The following NSFL1C variants were observed in gnomAD, a reference collection of about 807,000 sequenced individuals.
NSFL1C encodes NSFL1 cofactor p47.
NSFL1C carries 14 observed loss-of-function variants against 43.1 expected under a neutral mutation model. That is an observed-to-expected ratio of 0.32 (90% confidence interval 0.21 to 0.51). The LOEUF is 0.51. Ranked by LOEUF, NSFL1C falls within the 20% of genes least tolerant of loss-of-function variation. The pLI is 0.98. For synonymous variants in NSFL1C, 171 were observed against 183.5 expected (o/e 0.93, Z 0.55); for missense variants, 406 against 472.5 (o/e 0.86, Z 1.30).
chr20:1,466,085 G>A (rs1199529069), intron 1 of NSFL1C, among the ~76,000 whole-genome samples: 1 of 152,184 alleles, frequency 6.6e-6, no homozygotes, highest in African/African-American at 2.4e-5. Context: ...CAGGCACTGG[G>A]AATTCATCAG....
chr20:1,464,318 C>G lies in NSFL1C; in HGVS notation c.203+11G>C. 1 of 1,611,872 alleles carries G rather than the reference C, an allele frequency of 6.2e-7. No homozygotes were observed. Among genetic ancestry groups the G allele is most frequent in the East Asian group, 2.2e-5 (1 of 44,872 alleles). ...AACACTCATGTAGCGATAATTGAAG[C>G]TGGCCCTTACCTGGGGGCTGTGCCT... On this transcript the variant is annotated intron_variant, in intron 2 of 8. Transcript: ENST00000216879.
chr20:1,458,314 TTAAGAAAGGTAACCC>T, intron 2 of NSFL1C, 40 bp from the exon 3 acceptor site: 1 of 1,553,282 alleles, frequency 6.4e-7, no homozygotes, highest in Non-Finnish European at 8.9e-7. Flanking sequence ...TCAGGGAGCA[TTAAGAAAGGTAACCC>T]TCATCACCAG....
chr20:1,466,657 G>A (rs906045718), intron 1 of NSFL1C, 63 bp downstream of exon 1: 138 of 1,456,788 alleles, frequency 9.5e-5, no homozygotes, highest in Non-Finnish European at 1.2e-4. Flanking sequence ...CGGGCTTAAG[G>A]CACCAGGCGC....
intron 7 of NSFL1C, among the ~76,000 whole-genome samples, chr20:1,451,785 G>C (rs1205529812): frequency 6.6e-6 from 1 of 152,184 alleles, no homozygotes; most frequent in African/African-American, 2.4e-5. Flanking sequence ...TATCATCAGA[G>C]GCTTTGAATG....
At chr20:1,462,520 T>C (rs922597466) in intron 2 of NSFL1C, among the ~76,000 whole-genome samples, 2 of 149,958 alleles carry the variant, frequency 1.3e-5, no homozygotes, top group Admixed American at 1.3e-4. Flanking sequence ...TTCTTTTACT[T>C]TTATGCCTTT....
intron 3 of NSFL1C, chr20:1,456,936 G>A (rs981498806): frequency 4.6e-5 from 7 of 152,172 alleles, no homozygotes; most frequent in South Asian, 4.1e-4. Flanking sequence ...ATGGGGAAAC[G>A]TCTGAGATGT....
intron 2 of NSFL1C, among the ~76,000 whole-genome samples, chr20:1,461,330 A>AT (rs2090407483): frequency 6.6e-6 from 1 of 152,198 alleles, no homozygotes; most frequent in African/African-American, 2.4e-5. Flanking sequence ...GTGGAACAGA[A>AT]TTATGGCGTG....
chr20:1,446,187 A>G (rs982569766), intron 7 of NSFL1C: 1 of 374,632 alleles, frequency 2.7e-6, no homozygotes, highest in Non-Finnish European at 5.1e-6. Flanking sequence ...GCTGGAAGAC[A>G]TAATAGAACA....
In NSFL1C at chr20:1,455,149, C is replaced by T. The variant is rs779480394; in HGVS notation, c.279-17G>A. 2.6e-5 allele frequency: 42 copies of T among 1,613,980 alleles called. No homozygotes were observed. The highest frequency in any genetic ancestry group is 5.5e-5 in the South Asian group (5 of 91,086). On this transcript the variant is annotated splice_polypyrimidine_tract_variant and intron_variant, in intron 3 of 8. Transcript: ENST00000216879. ...GCATAAAACCTGTGTACAAAATACA[C>T]CTCTAACATGAAACACTCATGGAAA...
chr20:1,443,645 TG>T lies in NSFL1C; in HGVS notation c.*103del. ...CAGAGCTATGGAGGAGACGTTGCACTGGACTGCTGGGTGTGCACAAGGGGGC... is the reference window on the plus strand; with the variant it reads ...CAGAGCTATGGAGGAGACGTTGCACTGACTGCTGGGTGTGCACAAGGGGGC... On this transcript the variant is annotated 3_prime_UTR_variant, in exon 9 of 9. Coordinates refer to ENST00000216879, the MANE Select transcript of NSFL1C (RefSeq NM_016143.5). 4.2e-6 allele frequency: 5 copies of T among 1,195,568 alleles called. No homozygotes were observed. Among genetic ancestry groups the T allele is most frequent in the Non-Finnish European group, 6.0e-6 (5 of 835,404 alleles). The allele number at this position is 1,195,568 out of a possible 1,614,324, so 74.1% of individuals were successfully genotyped here.
In NSFL1C at chr20:1,443,472, GGA is replaced by G. The variant is rs1385854539; in HGVS notation, c.*275_*276del. On this transcript the variant is annotated 3_prime_UTR_variant, in exon 9 of 9. Transcript: ENST00000216879. ...AAAGCAATTAAAGCCTGCTTCAGTGGGAGAGTTTCCGTACAACATGCTGGTGA... is the reference window on the plus strand; with the variant it reads ...AAAGCAATTAAAGCCTGCTTCAGTGGGAGTTTCCGTACAACATGCTGGTGA... 2 of 303,768 alleles carry G rather than the reference GGA, an allele frequency of 6.6e-6. No individual in the cohort carries two copies. Among genetic ancestry groups the G allele is most frequent in the East Asian group, 1.2e-4 (2 of 17,230 alleles). 18.8% of individuals were successfully genotyped at this position (303,768 alleles called of 1,614,324 possible).
rs1375134231 is a variant in NSFL1C, at chr20:1,442,573, A to C, written c.*1176T>G. ...GGGAAAGGGTTCCATCCAAGAGCCC[A>C]ATAGGCCTCCTCTCCCAAACCTGCA... On this transcript the variant is annotated 3_prime_UTR_variant, in exon 9 of 9. Coordinates refer to ENST00000216879, the MANE Select transcript of NSFL1C (RefSeq NM_016143.5). The C allele has an allele frequency of 6.6e-6, 1 of 152,244 alleles. No individual in the cohort carries two copies. Among genetic ancestry groups the C allele is most frequent in the African/African-American group, 2.4e-5 (1 of 41,472 alleles). 9.4% of individuals were successfully genotyped at this position (152,244 alleles called of 1,614,324 possible).
intron 3 of NSFL1C, 107 bp downstream of exon 3, chr20:1,458,093 T>C: frequency 2.2e-6 from 2 of 903,020 alleles, no homozygotes; most frequent in Non-Finnish European, 3.7e-6. Context: ...ACAGTAGTAA[T>C]GGCTAACAAT....
At chr20:1,451,322 G>A (rs1403343248) in intron 7 of NSFL1C, among the ~76,000 whole-genome samples, 1 of 152,190 alleles carries the variant, frequency 6.6e-6, no homozygotes, top group Non-Finnish European at 1.5e-5. Context: ...TCCAGGAGAG[G>A]GCCAGCCAGA....
intron 6 of NSFL1C, 128 bp downstream of exon 6, chr20:1,452,903 C>T (rs2090214328): frequency 5.5e-6 from 4 of 727,956 alleles, no homozygotes; most frequent in Non-Finnish European, 9.7e-6. Context: ...ATCTATGAAT[C>T]CGTATCTCAA....
intron 7 of NSFL1C, among the ~76,000 whole-genome samples, chr20:1,449,456 C>T (rs111597029): frequency 4.7e-4 from 71 of 152,298 alleles, no homozygotes; most frequent in African/African-American, 1.6e-3. Flanking sequence ...AATAAGAGCA[C>T]ATCATTCAAA....
rs531311647 is a variant in NSFL1C, at chr20:1,449,231, A to C, written c.785+3262T>G. 3.3e-5 allele frequency among the ~76,000 whole-genome samples: 5 copies of C among 151,874 alleles called. No individual in the cohort carries two copies. In the South Asian group the frequency reaches 1.0e-3, roughly 31 times the overall value. Reference sequence around the variant, plus strand: ...CATAGCGCTTAGCTAACAACATAAAACACTCGACTAACTAATTATATCATT... The same window carrying C: ...CATAGCGCTTAGCTAACAACATAAACCACTCGACTAACTAATTATATCATT... On this transcript the variant is annotated intron_variant, in intron 7 of 8. Transcript: ENST00000216879.
intron 2 of NSFL1C, among the ~76,000 whole-genome samples, chr20:1,462,306 T>C (rs1393374407): frequency 2.0e-5 from 3 of 152,152 alleles, no homozygotes; most frequent in Non-Finnish European, 4.4e-5. Flanking sequence ...AATGTAGTCC[T>C]AGCATTTGCT....
intron 1 of NSFL1C, among the ~76,000 whole-genome samples, chr20:1,465,814 T>C (rs2090498129): frequency 6.6e-6 from 1 of 152,200 alleles, no homozygotes; most frequent in South Asian, 2.1e-4. Flanking sequence ...CAGAACTGGG[T>C]TCCACTTCTA....
Sources: gnomAD v4.1 joint callset for allele counts (sites outside exome capture counted in the v4.1 genomes callset) on GRCh38, gnomAD v4.1.1 for gene constraint, MANE v1.5 for transcripts, NCBI Gene and HGNC (gene_info 2026-07-23, HGNC 2026-07-21) for gene names.